DNAH9: variants seen among roughly 807,000 people sequenced by gnomAD.
DNAH9 encodes dynein axonemal heavy chain 9.
DNAH9 carries 345 observed loss-of-function variants against 471.6 expected under a neutral mutation model. The ratio of observed to expected loss-of-function variants is 0.73; its 90% CI spans 0.67 to 0.80. The LOEUF is 0.80. DNAH9 is among the 30% of genes least tolerant of loss of function. DNAH9 has a pLI of 0.00. For synonymous variants in DNAH9, 2,093 were observed against 2,123.6 expected (o/e 0.99, Z 0.40); for missense variants, 5,407 against 5,609.2 (o/e 0.96, Z 1.15).
At chr17:11,888,644 AAACAGCTGTTCATTG>A (rs1280411692) in intron 57 of DNAH9, among the ~76,000 whole-genome samples, 1 of 152,192 alleles carries the variant, frequency 6.6e-6, no homozygotes, top group Non-Finnish European at 1.5e-5. Context: ...AGAATTGCAA[AAACAGCTGTTCATTG>A]ACCAACCTGA....
intron 10 of DNAH9, among the ~76,000 whole-genome samples, chr17:11,642,195 A>C (rs2073287574): frequency 6.6e-6 from 1 of 151,932 alleles, no homozygotes; most frequent in Admixed American, 6.6e-5. Context: ...CACAACAGAG[A>C]CCTCTATAAT....
intron 25 of DNAH9, among the ~76,000 whole-genome samples, 199 bp from the exon 26 acceptor site, chr17:11,704,826 G>A (rs1381619155): frequency 5.9e-5 from 9 of 152,206 alleles, no homozygotes; most frequent in Non-Finnish European, 1.0e-4. Flanking sequence ...CGGGTGATCC[G>A]CCTGCCTTGG....
intron 61 of DNAH9, among the ~76,000 whole-genome samples, chr17:11,918,802 A>G (rs1254674606): frequency 6.6e-6 from 1 of 151,968 alleles, no homozygotes; most frequent in Non-Finnish European, 1.5e-5. Flanking sequence ...TTTAGCCAAC[A>G]TGGTGAAATC....
At chr17:11,921,051 G>A (rs565437083) in intron 61 of DNAH9, among the ~76,000 whole-genome samples, 3 of 152,126 alleles carry the variant, frequency 2.0e-5, no homozygotes, top group African/African-American at 7.2e-5. Flanking sequence ...TGAGGCAGGA[G>A]GATCGCTTGA....
intron 38 of DNAH9, among the ~76,000 whole-genome samples, chr17:11,775,846 G>C (rs1009317835): frequency 1.3e-5 from 2 of 151,938 alleles, no homozygotes; most frequent in Non-Finnish European, 2.9e-5. Flanking sequence ...CCCGCCTCGG[G>C]CTCCCAAAGT....
intron 6 of DNAH9, among the ~76,000 whole-genome samples, chr17:11,622,844 A>G (rs900683159): frequency 6.6e-5 from 10 of 152,048 alleles, no homozygotes; most frequent in South Asian, 4.1e-4. Flanking sequence ...TTAGAGGATG[A>G]CATGAGTGTC....
In DNAH9 at chr17:11,946,930, T is replaced by C. The variant is rs996059280; in HGVS notation, c.12843+4445T>C. Among the ~76,000 whole-genome samples, 3 of 152,180 alleles carry C rather than the reference T, an allele frequency of 2.0e-5. No individual in the cohort carries two copies. In the East Asian group the frequency reaches 5.8e-4, roughly 29 times the overall value. ...ATTTTTGAAGTCATTAAGTCAACACTGTTAGCATTCATGAAAAAGATATTG... is the reference window on the plus strand; with the variant it reads ...ATTTTTGAAGTCATTAAGTCAACACCGTTAGCATTCATGAAAAAGATATTG... On this transcript the variant is annotated intron_variant, in intron 67 of 68. Coordinates refer to ENST00000262442, the MANE Select transcript of DNAH9 (RefSeq NM_001372.4).
intron 53 of DNAH9, among the ~76,000 whole-genome samples, chr17:11,878,843 C>T (rs569530533): frequency 6.6e-6 from 1 of 152,284 alleles, no homozygotes; most frequent in South Asian, 2.1e-4. Context: ...TTCTGGGTTA[C>T]AGGCATGAGC....
intron 67 of DNAH9, among the ~76,000 whole-genome samples, chr17:11,950,291 T>C (rs1391757717): frequency 1.3e-5 from 2 of 152,238 alleles, no homozygotes; most frequent in African/African-American, 2.4e-5. Context: ...TGTTAGACTT[T>C]CTATGGGTTT....
At position 11,690,202 on chromosome 17, in the gene DNAH9, C is replaced by T. The variant is rs61732566; in HGVS notation, c.4380C>T (p.Pro1460=). The T allele has an allele frequency of 6.5e-4, 1,054 of 1,614,194 alleles. 9 individuals are homozygous for T. The African/African-American group carries it at 0.012, about 19-fold the overall frequency. ...QYEPHPRTNV[P]LLCSDEDLIE... is the part of the protein sequence containing the mutation. The stretch of plus-strand genomic sequence containing the variant: ...AGCCCCACCCACGGACCAATGTCCC[C>T]CTCCTGTGCTCTGATGAGGACCTCA... Residue 1460 remains proline, a synonymous_variant, in exon 20 of 69, where the codon CCC becomes CCT. Coordinates refer to ENST00000262442, the MANE Select transcript of DNAH9 (RefSeq NM_001372.4).
In DNAH9 at chr17:11,768,512, G is replaced by C; in HGVS notation, c.7230G>C (p.Lys2410Asn). ...KWWLTEFKTV[K>N]FPSQGTIFDY... is the part of the protein sequence containing the mutation. ...GGCTGACTGAGTTCAAAACAGTCAA[G>C]TTTCCTTCCCAAGGAACCATCTTTG... The change falls in exon 37 of 69, where the codon AAG becomes AAC. Residue 2410 changes from lysine (K) to asparagine (N), a missense_variant. Around this residue, in one of 3 missense-constraint regions of DNAH9, gnomAD observed 4,636 missense variants for 4,900.3 expected, o/e 0.95. Transcript: ENST00000262442. 1.2e-6 allele frequency: 2 copies of C among 1,614,200 alleles called. No individual in the cohort carries two copies. Among genetic ancestry groups the C allele is most frequent in the Non-Finnish European group, 1.7e-6 (2 of 1,180,038 alleles).
chr17:11,662,405 C>T (rs2073784565), intron 14 of DNAH9, among the ~76,000 whole-genome samples: 1 of 152,012 alleles, frequency 6.6e-6, no homozygotes, highest in Admixed American at 6.6e-5. Flanking sequence ...TTTTCTGAGT[C>T]TATTTCTTTT....
At chr17:11,671,738 T>A (rs1597460777) in intron 17 of DNAH9, among the ~76,000 whole-genome samples, 3 of 152,184 alleles carry the variant, frequency 2.0e-5, no homozygotes, top group South Asian at 2.1e-4. Context: ...AAGACCCCGA[T>A]GTGAAAGGAT....
intron 45 of DNAH9, among the ~76,000 whole-genome samples, chr17:11,812,748 A>G (rs1355718172): frequency 6.6e-6 from 1 of 151,984 alleles, no homozygotes; most frequent in Non-Finnish European, 1.5e-5. Flanking sequence ...CAACTCTTAC[A>G]CCTTTTCTCC....
At position 11,810,227 on chromosome 17, in the gene DNAH9, A is replaced by T. The variant is rs1414396488; in HGVS notation, c.8584-19A>T. 6.2e-7 allele frequency: 1 copy of T among 1,601,726 alleles called. No homozygotes were observed. Among genetic ancestry groups the T allele is most frequent in the South Asian group, 1.1e-5 (1 of 88,370 alleles). On this transcript the variant is annotated intron_variant, in intron 44 of 68. Transcript: ENST00000262442. ...GAGGCCTTCTTTTCAGAGATTTCTGATATTGACCATTCCTACAGATGGACC... is the reference window on the plus strand; with the variant it reads ...GAGGCCTTCTTTTCAGAGATTTCTGTTATTGACCATTCCTACAGATGGACC...
At chr17:11,658,893 C>G (rs1372859791) in intron 14 of DNAH9, among the ~76,000 whole-genome samples, 2 of 151,900 alleles carry the variant, frequency 1.3e-5, no homozygotes, top group Admixed American at 6.6e-5. Context: ...AGTATTTGCT[C>G]TGATAATTTT....
At chr17:11,686,724 AC>A (rs1381143149) in intron 19 of DNAH9, among the ~76,000 whole-genome samples, 1 of 152,218 alleles carries the variant, frequency 6.6e-6, no homozygotes, top group Non-Finnish European at 1.5e-5. Context: ...TACTTGAGGA[AC>A]CAACATCGAT....
chr17:11,882,767 AGTG>A (rs1383099470), intron 55 of DNAH9: 3 of 213,228 alleles, frequency 1.4e-5, no homozygotes, highest in East Asian at 3.7e-4. Flanking sequence ...AAATTTAAAC[AGTG>A]GTGGTCAGAA....
At chr17:11,760,077 A>G (rs7218452) in intron 35 of DNAH9, among the ~76,000 whole-genome samples, 142,992 of 152,274 alleles carry the variant, frequency 0.94, 67,482 homozygotes, top group Non-Finnish European at 0.99. Context: ...CTGCCTCAGT[A>G]TCCCAAAGTG....
Sources: gnomAD v4.1 joint callset for allele counts (sites outside exome capture counted in the v4.1 genomes callset) on GRCh38, gnomAD v4.1.1 for gene constraint, gnomAD v4.1.1 regional missense constraint, MANE v1.5 for transcripts, NCBI Gene and HGNC (gene_info 2026-07-23, HGNC 2026-07-21) for gene names.